Variants in AKAP8 observed in about 807,000 individuals in gnomAD.
The protein encoded by AKAP8 is A-kinase anchoring protein 8.
In AKAP8, 24 loss-of-function variants were observed where a neutral mutation model predicts 67.5. That is an observed-to-expected ratio of 0.36 (90% CI 0.26 to 0.50). The LOEUF is 0.50. Ranked by LOEUF, AKAP8 falls within the 20% of genes least tolerant of loss-of-function variation. AKAP8 has a pLI of 0.97. For synonymous variants in AKAP8, 400 were observed against 371.1 expected (o/e 1.08, Z -0.90); for missense variants, 971 against 955.9 (o/e 1.02, Z -0.21).
chr19:15,377,212 C>A (rs1386500138), intron 1 of AKAP8, among the ~76,000 whole-genome samples, 198 bp from the exon 2 acceptor site: 1 of 152,062 alleles, frequency 6.6e-6, no homozygotes, highest in Non-Finnish European at 1.5e-5. Flanking sequence ...GAGATCAAAG[C>A]AGAAAAAGAA....
At chr19:15,362,402 T>G in intron 9 of AKAP8, 151 bp from the exon 10 acceptor site, 5 of 63,380 alleles carry the variant, frequency 7.9e-5, no homozygotes, top group Non-Finnish European at 1.1e-4. Flanking sequence ...CTCCCTCTGA[T>G]GCCGAGCCGA....
At position 15,362,269 on chromosome 19, in the gene AKAP8, G is replaced by T. The variant is rs539248627; in HGVS notation, c.1161-18C>A. ...ACTGAATTCTGTAGAAGGAAAACAAGGAGGGGAGTGAAGCAGGGAGCATCA... is the reference window on the plus strand; with the variant it reads ...ACTGAATTCTGTAGAAGGAAAACAATGAGGGGAGTGAAGCAGGGAGCATCA... On this transcript the variant is annotated intron_variant, in intron 9 of 13. Transcript: ENST00000269701. 1 of 1,613,752 alleles carries T rather than the reference G, an allele frequency of 6.2e-7. No homozygotes were observed. The highest frequency in any genetic ancestry group is 8.5e-7 in the Non-Finnish European group (1 of 1,179,824).
At chr19:15,372,194 G>T (rs374210929) in intron 6 of AKAP8, 24 bp downstream of exon 6, 2 of 1,613,340 alleles carry the variant, frequency 1.2e-6, no homozygotes, top group Non-Finnish European at 1.7e-6. Context: ...CATCTGTCTG[G>T]CCCACCTGGC....
rs2048266472 is a variant in AKAP8, at chr19:15,354,835, C to G, written c.*80G>C. The G allele has an allele frequency of 1.3e-6, 2 of 1,530,726 alleles. No individual in the cohort carries two copies. The highest frequency in any genetic ancestry group is 1.8e-6 in the Non-Finnish European group (2 of 1,125,118). The allele number at this position is 1,530,726 out of a possible 1,614,324, so 94.8% of individuals were successfully genotyped here. ...ACAGCATATTCTGGGAGCACACGCC[C>G]TTGTACTGCTTACAAACCAAGGGAG... On this transcript the variant is annotated 3_prime_UTR_variant, in exon 14 of 14. Transcript: ENST00000269701.
intron 2 of AKAP8, 84 bp from the exon 3 acceptor site, chr19:15,374,719 ACAGCCCCAGGGCCAGGGCTTCCCTCCG>A (rs1967223127): frequency 1.3e-6 from 2 of 1,514,798 alleles, no homozygotes; most frequent in Non-Finnish European, 9.1e-7. Context: ...TCCACCCTCC[ACAGCCCCAGGGCCAGGGCTTCCCTCCG>A]CAGCGCTCAG....
chr19:15,371,854 T>G lies in AKAP8; in HGVS notation c.1038+98A>C. 1.2e-5 allele frequency: 17 copies of G among 1,373,434 alleles called. No homozygotes were observed. In the South Asian group the frequency reaches 2.1e-4, roughly 17 times the overall value. The allele number at this position is 1,373,434 out of a possible 1,614,324, so 85.1% of individuals were successfully genotyped here. On this transcript the variant is annotated intron_variant, in intron 7 of 13. Transcript: ENST00000269701. Reference sequence around the variant, plus strand: ...CTGAATCCACTCAGAGGTAGTCAAATCTACCATGGCAGCTGCTCCTGCCCC... The same window carrying G: ...CTGAATCCACTCAGAGGTAGTCAAAGCTACCATGGCAGCTGCTCCTGCCCC...
intron 13 of AKAP8, among the ~76,000 whole-genome samples, chr19:15,357,708 CTTT>C (rs869102920): frequency 5.0e-5 from 6 of 120,990 alleles, no homozygotes; most frequent in Non-Finnish European, 3.5e-5. Context: ...TTTCCTCCCT[CTTT>C]TTTTTTTTTT....
At chr19:15,358,866 C>G (rs1966919224) in intron 13 of AKAP8, 101 bp downstream of exon 13, 23 of 1,092,334 alleles carry the variant, frequency 2.1e-5, no homozygotes, top group Non-Finnish European at 3.2e-5. Context: ...TCAAAAGACT[C>G]AGAAATGCTA....
chr19:15,371,406 C>T (rs1967155427), intron 7 of AKAP8, among the ~76,000 whole-genome samples: 1 of 152,198 alleles, frequency 6.6e-6, no homozygotes, highest in African/African-American at 2.4e-5. Context: ...CTTCAGCCCA[C>T]AGTCCCTGCA....
chr19:15,379,356 A>C, intron 1 of AKAP8: 3 of 280,532 alleles, frequency 1.1e-5, no homozygotes, highest in East Asian at 6.7e-5. Flanking sequence ...CGGAAGAGGA[A>C]GCCGGGAGTG....
At position 15,369,205 on chromosome 19, in the gene AKAP8, T is replaced by C. The variant is rs1318042057; in HGVS notation, c.1073-883A>G. The C allele has an allele frequency of 1.0e-6, 1 of 985,368 alleles. No individual in the cohort carries two copies. Among genetic ancestry groups the C allele is most frequent in the Non-Finnish European group, 1.2e-6 (1 of 829,974 alleles). 61.0% of individuals were successfully genotyped at this position (985,368 alleles called of 1,614,324 possible). A position where few individuals can be genotyped will look rare whatever the true frequency, so the allele number is the denominator to read the frequency against. ...TGACTGCTGTTTAATAGCAAAGTCA[T>C]CCCGGGTAGGTAGCAGGACCTGCGC... On this transcript the variant is annotated intron_variant, in intron 8 of 13. Transcript: ENST00000269701. This position sits in a 1 kb window ranked among gnomAD's most constrained non-coding sequence, Gnocchi z 4.6.
intron 9 of AKAP8, among the ~76,000 whole-genome samples, chr19:15,366,448 G>T (rs997493588): frequency 1.3e-5 from 2 of 151,744 alleles, no homozygotes; most frequent in Non-Finnish European, 2.9e-5. Context: ...TTCTGCGTTT[G>T]GTTCCTGGCT....
chr19:15,356,868 C>T (rs566164142), intron 13 of AKAP8, among the ~76,000 whole-genome samples: 1 of 152,232 alleles, frequency 6.6e-6, no homozygotes, highest in South Asian at 2.1e-4. Context: ...CAGTGGCTCA[C>T]GTCTGTAATT....
intron 9 of AKAP8, 149 bp downstream of exon 9, chr19:15,368,086 A>T: frequency 1.1e-6 from 1 of 933,932 alleles, no homozygotes; most frequent in Non-Finnish European, 1.6e-6. Flanking sequence ...CTGCACTCCC[A>T]ATTGTTTACT....
At chr19:15,379,325 G>A in intron 1 of AKAP8, 1 of 226,876 alleles carries the variant, frequency 4.4e-6, no homozygotes. Flanking sequence ...CCCCCCTAGC[G>A]CCGCCATTTT....
rs2048265894 is a variant in AKAP8 at position 15,354,762 on chromosome 19, A to T, written c.*153T>A. On this transcript the variant is annotated 3_prime_UTR_variant, in exon 14 of 14. Transcript: ENST00000269701. ...ACGACTGCATGAGACAAGCCGTGAG[A>T]GGCACTGCTCAGGAGGAAACGCTGG... 1 of 808,970 alleles carries T rather than the reference A, an allele frequency of 1.2e-6. No homozygotes were observed. Among genetic ancestry groups the T allele is most frequent in the Non-Finnish European group, 1.9e-6 (1 of 521,806 alleles). 50.1% of individuals were successfully genotyped at this position (808,970 alleles called of 1,614,324 possible). A position where few individuals can be genotyped will look rare whatever the true frequency, so the allele number is the denominator to read the frequency against.
At chr19:15,357,378 G>A (rs1448282921) in intron 13 of AKAP8, among the ~76,000 whole-genome samples, 28 of 132,126 alleles carry the variant, frequency 2.1e-4, no homozygotes, top group Admixed American at 1.9e-3. Flanking sequence ...GCAGTGAGCC[G>A]GGATCGCACC....
intron 6 of AKAP8, 97 bp downstream of exon 6, chr19:15,372,121 C>T (rs1967168391): frequency 1.9e-6 from 3 of 1,608,336 alleles, no homozygotes; most frequent in Non-Finnish European, 2.5e-6. Flanking sequence ...AACATGCCAC[C>T]TGCGAGTGTC....
At chr19:15,379,655 C>A in intron 1 of AKAP8, 58 bp downstream of exon 1, 1 of 1,567,974 alleles carries the variant, frequency 6.4e-7, no homozygotes, top group Non-Finnish European at 8.6e-7. Context: ...TGCGCAGCGG[C>A]TGCGTCGCCC....
Sources: allele counts gnomAD v4.1 joint callset (sites outside exome capture counted in the v4.1 genomes callset), GRCh38; gene constraint gnomAD v4.1.1; non-coding constraint Gnocchi (gnomAD v3.1); transcripts MANE v1.5; gene names NCBI Gene and HGNC (gene_info 2026-07-23, HGNC 2026-07-21).